The following MRGPRF variants were observed in gnomAD, a reference collection of about 807,000 sequenced individuals.
MRGPRF encodes the protein mas-related G protein-coupled receptor member F.
MRGPRF carries 2 observed loss-of-function variants against 3.3 expected under a neutral mutation model. That is an observed-to-expected ratio of 0.61 (90% confidence interval 0.25 to 1.92). MRGPRF has a LOEUF of 1.92. MRGPRF is among the 40% of genes most tolerant of loss of function. The probability of loss-of-function intolerance (pLI) is 0.16; values close to 1 mark genes in which losing one functional copy is unlikely to be tolerated. For missense variants in MRGPRF, 500 were observed against 476.0 expected (o/e 1.05, Z -0.47); for synonymous variants, 242 against 222.7 (o/e 1.09, Z -0.77).
chr11:69,005,428 G>A lies in MRGPRF; in HGVS notation c.882C>T (p.Ala294=), dbSNP rs61738965. 565 of 1,588,336 alleles carry A rather than the reference G, an allele frequency of 3.6e-4. 1 individual carries two copies. In the African/African-American group the frequency reaches 6.6e-3, roughly 19 times the overall value. Residue 294 remains alanine, a synonymous_variant, in exon 3 of 3, where the codon GCC becomes GCT. Coordinates refer to ENST00000309099, the MANE Select transcript of MRGPRF (RefSeq NM_145015.5). ...SSAKPIVYFL[A]GRDKSQRLWE... ...ACAGCCGCTGCGACTTGTCCCTCCC[G>A]GCCAGGAAGTAGACGATGGGCTTGG...
rs1860444325 is a variant in MRGPRF at position 69,005,207 on chromosome 11, C to CCCATTCCT, written c.*63_*70dup. On this transcript the variant is annotated 3_prime_UTR_variant, in exon 3 of 3. Transcript: ENST00000309099. ...TCCTGTATGGACTCAGAAGCAGGTG[C>CCCATTCCT]CCATTCCTGTCCCAAGGCGAAGGGT... is the stretch of plus-strand genomic sequence containing the variant. 1 of 1,422,384 alleles carries CCCATTCCT rather than the reference C, an allele frequency of 7.0e-7. No homozygotes were observed. 88.1% of individuals were successfully genotyped at this position (1,422,384 alleles called of 1,614,324 possible). A position where few individuals can be genotyped will look rare whatever the true frequency, so the allele number is the denominator to read the frequency against.
At chr11:69,008,684 C>T (rs1488382616) in intron 2 of MRGPRF, among the ~76,000 whole-genome samples, 3 of 152,206 alleles carry the variant, frequency 2.0e-5, no homozygotes, top group Non-Finnish European at 4.4e-5. Context: ...CGCCCCAAAT[C>T]CCGCTCCTTA....
intron 1 of MRGPRF, among the ~76,000 whole-genome samples, chr11:69,011,429 C>T (rs943149787): frequency 6.6e-6 from 1 of 152,246 alleles, no homozygotes; most frequent in Non-Finnish European, 1.5e-5. Flanking sequence ...AGCCTGGGGT[C>T]TTCGGGGTGT....
Position 69,005,487 on chromosome 11 carries a change from C to A in MRGPRF, c.823G>T (p.Val275Phe), listed in dbSNP as rs184076521. ...FQIPAPFPEY[V>F]TDLCICINSS... ...TTGATGCAGATGCACAGGTCAGTGA[C>A]GTACTCGGGGAAGGGGGCCGGGATC... The change falls in exon 3 of 3, where the codon GTC becomes TTC. Residue 275 changes from valine to phenylalanine, a missense_variant. By Grantham distance (50) the Val-to-Phe change is conservative (BLOSUM62 -1). Transcript: ENST00000309099. 2.5e-6 allele frequency: 4 copies of A among 1,583,892 alleles called. No homozygotes were observed. In the South Asian group the frequency reaches 4.6e-5, roughly 18 times the overall value.
chr11:69,012,278 T>G lies in MRGPRF; in HGVS notation c.-57+805A>C, dbSNP rs1860613577. 2.0e-5 allele frequency: 3 copies of G among 152,416 alleles called. No homozygotes were observed. In the South Asian group the frequency reaches 6.2e-4, roughly 32 times the overall value. The allele number at this position is 152,416 out of a possible 1,614,324, so 9.4% of individuals were successfully genotyped here. On this transcript the variant is annotated intron_variant, in intron 1 of 2. Transcript: ENST00000309099. ...AGCCTTGCCCGCAGGAAGCTCCTCC[T>G]CTCCCTTCACTCCATCCCACCATGA...
In MRGPRF at chr11:69,009,974, G is replaced by A; in HGVS notation, c.-56-17C>T. The A allele has an allele frequency of 6.5e-7, 1 of 1,527,252 alleles. No homozygotes were observed. Among genetic ancestry groups the A allele is most frequent in the South Asian group, 1.2e-5 (1 of 81,410 alleles). The allele number at this position is 1,527,252 out of a possible 1,614,324, so 94.6% of individuals were successfully genotyped here. The stretch of plus-strand genomic sequence containing the variant: ...CACACCCACCTGGCAGAAGCCCAGA[G>A]AGAGGGTGGATGAGGACAGCAGGGA... On this transcript the variant is annotated splice_polypyrimidine_tract_variant and intron_variant, in intron 1 of 2. Transcript: ENST00000309099.
intron 1 of MRGPRF, among the ~76,000 whole-genome samples, chr11:69,011,604 G>T (rs186759691): frequency 3.9e-5 from 6 of 152,272 alleles, no homozygotes; most frequent in African/African-American, 1.4e-4. Flanking sequence ...ACTTCTCCAC[G>T]CTCTGGGGCC....
intron 1 of MRGPRF, 89 bp from the exon 2 acceptor site, chr11:69,010,046 G>A (rs1315625029): frequency 1.3e-6 from 1 of 788,902 alleles, no homozygotes; most frequent in Non-Finnish European, 2.0e-6. Flanking sequence ...AAGGCCTGTG[G>A]CTCTCAGCCA....
chr11:69,005,794 G>C lies in MRGPRF; in HGVS notation c.516C>G (p.Leu172=), dbSNP rs1375121275. ...VVCALLWVLS[L]LVTCLHNYFC... is the part of the protein sequence containing the mutation. ...AGTAGTTGTGCAGGCAGGTGACCAG[G>C]AGGGACAGGACCCACAGCAGGGCGC... Residue 172 remains leucine (L), a synonymous_variant, in exon 3 of 3, where the codon CTC becomes CTG. Transcript: ENST00000309099. The C allele has an allele frequency of 6.5e-7, 1 of 1,539,856 alleles. No individual in the cohort carries two copies. The highest frequency in any genetic ancestry group is 1.4e-5 in the African/African-American group (1 of 73,132).
intron 2 of MRGPRF, 121 bp from the exon 3 acceptor site, chr11:69,006,382 G>T (rs1860492015): frequency 8.2e-7 from 1 of 1,223,502 alleles, no homozygotes; most frequent in Non-Finnish European, 1.1e-6. Context: ...CAGGGAGGGG[G>T]TCTGTAAGGC....
Position 69,006,276 on chromosome 11 carries a change from A to G in MRGPRF, c.49-15T>C, listed in dbSNP as rs774199389. On this transcript the variant is annotated splice_polypyrimidine_tract_variant and intron_variant, in intron 2 of 2. Coordinates refer to ENST00000309099, the MANE Select transcript of MRGPRF (RefSeq NM_145015.5). Reference sequence around the variant, plus strand: ...CCAGGGCACATCTGCGCAGGTGCAGAGAGGGACACCTGTGATGCCGGCTGG... The same window carrying G: ...CCAGGGCACATCTGCGCAGGTGCAGGGAGGGACACCTGTGATGCCGGCTGG... 1.9e-5 allele frequency: 30 copies of G among 1,585,662 alleles called. No homozygotes were observed. The Admixed American group carries it at 5.1e-4, about 27-fold the overall frequency.
At chr11:69,011,296 G>T (rs1224011282) in intron 1 of MRGPRF, among the ~76,000 whole-genome samples, 4 of 152,170 alleles carry the variant, frequency 2.6e-5, no homozygotes. Flanking sequence ...GGCCCCAGGG[G>T]CCGCTCCCAG....
At position 69,005,681 on chromosome 11, in the gene MRGPRF, C is replaced by A. The variant is rs1860461776; in HGVS notation, c.629G>T (p.Cys210Phe). The change falls in exon 3 of 3, where the codon TGC (cysteine) becomes TTC (phenylalanine). Residue 210 changes from cysteine to phenylalanine, a missense_variant. Coordinates refer to ENST00000309099, the MANE Select transcript of MRGPRF (RefSeq NM_145015.5). ...CAGGCAGGGCAGCACCATGAGCGGG[C>A]AGCAGAGCAGGAACAGGAGGATGCC... is the stretch of plus-strand genomic sequence containing the variant. ...FLGILLFLLCCPLMVLPCLAL... is the reference protein window; with the variant it reads ...FLGILLFLLCFPLMVLPCLAL... 1.3e-6 allele frequency: 2 copies of A among 1,551,380 alleles called. No individual in the cohort carries two copies. The highest frequency in any genetic ancestry group is 1.7e-6 in the Non-Finnish European group (2 of 1,147,232).
At chr11:69,010,026 C>G (rs1381214188) in intron 1 of MRGPRF, 69 bp from the exon 2 acceptor site, 1 of 1,072,634 alleles carries the variant, frequency 9.3e-7, no homozygotes, top group Non-Finnish European at 1.3e-6. Context: ...ACCCCCGTGC[C>G]TAGGCCCCCA....
chr11:69,004,725 A>C lies in MRGPRF; in HGVS notation c.*553T>G, dbSNP rs566245191. The C allele has an allele frequency of 6.6e-6, 1 of 152,612 alleles. No homozygotes were observed. The highest frequency in any genetic ancestry group is 1.5e-5 in the Non-Finnish European group (1 of 68,244). 9.5% of individuals were successfully genotyped at this position (152,612 alleles called of 1,614,324 possible). On this transcript the variant is annotated 3_prime_UTR_variant, in exon 3 of 3. Transcript: ENST00000309099. ...AACCAGAAATCCCCCCATCAAAGTCACCAAATGACTCGACGGGGGGAAGGG... is the reference window on the plus strand; with the variant it reads ...AACCAGAAATCCCCCCATCAAAGTCCCCAAATGACTCGACGGGGGGAAGGG...
rs1432331631 is a variant in MRGPRF at position 69,006,010 on chromosome 11, G to A, written c.300C>T (p.Ser100=). Reference sequence around the variant, plus strand: ...CCAGGAAGCCCCCCGTGTTCAGGATGGAGAACACCGCCTTGCTGAAGAGGT... The same window carrying A: ...CCAGGAAGCCCCCCGTGTTCAGGATAGAGAACACCGCCTTGCTGAAGAGGT... ...VGYLFSKAVF[S]ILNTGGFLGT... The change falls in exon 3 of 3, where the codon TCC becomes TCT. Residue 100 remains serine, a synonymous_variant. Transcript: ENST00000309099. 1 of 1,569,598 alleles carries A rather than the reference G, an allele frequency of 6.4e-7. No individual in the cohort carries two copies. Among genetic ancestry groups the A allele is most frequent in the Non-Finnish European group, 8.6e-7 (1 of 1,157,030 alleles).
intron 1 of MRGPRF, among the ~76,000 whole-genome samples, chr11:69,011,406 C>T (rs1051415250): frequency 6.6e-6 from 1 of 152,250 alleles, no homozygotes; most frequent in African/African-American, 2.4e-5. Flanking sequence ...TGTGCCTGGC[C>T]TACGGCTGAC....
Position 69,005,951 on chromosome 11 carries a change from C to T in MRGPRF, c.359G>A (p.Arg120Gln), listed in dbSNP as rs1373749231. ...AAGGAACATGCAGAGCCCCAGGACCCGGCACACGCTGCGGATGTAGTCGGC... is the reference window on the plus strand; with the variant it reads ...AAGGAACATGCAGAGCCCCAGGACCTGGCACACGCTGCGGATGTAGTCGGC... ...TFADYIRSVC[R>Q]VLGLCMFLTG... Residue 120 changes from arginine (R) to glutamine (Q), a missense_variant, in exon 3 of 3, where the codon CGG becomes CAG. Physicochemically the swap from Arg to Gln is conservative, Grantham distance 43. Transcript: ENST00000309099. 1.3e-6 allele frequency: 2 copies of T among 1,570,684 alleles called. No homozygotes were observed. The highest frequency in any genetic ancestry group is 1.7e-6 in the Non-Finnish European group (2 of 1,158,296).
At chr11:69,011,951 T>C (rs959240562) in intron 1 of MRGPRF, among the ~76,000 whole-genome samples, 166 of 152,316 alleles carry the variant, frequency 1.1e-3, no homozygotes, top group Non-Finnish European at 2.2e-4. Flanking sequence ...ATTATGTGGG[T>C]GTCCCTGTGC....
Sources: gnomAD v4.1 joint callset for allele counts (sites outside exome capture counted in the v4.1 genomes callset) on GRCh38, gnomAD v4.1.1 for gene constraint, MANE v1.5 for transcripts, NCBI Gene and HGNC (gene_info 2026-07-23, HGNC 2026-07-21) for gene names.